GALNTL6: variants seen among roughly 807,000 people sequenced by gnomAD.
GALNTL6 encodes polypeptide N-acetylgalactosaminyltransferase-like 6.
GALNTL6 carries 46 observed loss-of-function variants against 73.7 expected under a neutral mutation model. The ratio of observed to expected loss-of-function variants is 0.62; its 90% CI spans 0.49 to 0.80. GALNTL6 has a LOEUF of 0.80. Ranked by LOEUF, GALNTL6 falls within the 30% of genes least tolerant of loss-of-function variation. The probability of loss-of-function intolerance (pLI) is 0.00; values close to 1 mark genes in which losing one functional copy is unlikely to be tolerated. For synonymous variants in GALNTL6, 259 were observed against 263.7 expected (o/e 0.98, Z 0.17); for missense variants, 604 against 755.0 (o/e 0.80, Z 2.34).
chr4:172,641,092 C>A (rs1414598449), intron 5 of GALNTL6, among the ~76,000 whole-genome samples: 1 of 152,030 alleles, frequency 6.6e-6, no homozygotes, highest in East Asian at 1.9e-4. Flanking sequence ...TGTCACTCTA[C>A]CTGCAAAATA....
intron 2 of GALNTL6, among the ~76,000 whole-genome samples, chr4:171,864,871 G>A (rs1735930395): frequency 6.6e-6 from 1 of 152,056 alleles, no homozygotes; most frequent in Non-Finnish European, 1.5e-5. Flanking sequence ...GGAGAAAATG[G>A]GAGCCAGTGA....
At chr4:172,602,272 G>A (rs72986685) in intron 5 of GALNTL6, among the ~76,000 whole-genome samples, 5,386 of 152,154 alleles carry the variant, frequency 0.035, 259 homozygotes, top group African/African-American at 0.1. Flanking sequence ...AGAAAGAAGT[G>A]AAGAAGATAG....
At chr4:172,229,620 C>A in intron 2 of GALNTL6, 36 bp from the exon 3 acceptor site, 1 of 1,342,710 alleles carries the variant, frequency 7.4e-7, no homozygotes, top group Non-Finnish European at 1.1e-6. Flanking sequence ...AAGGAAATAC[C>A]TCCTTTTTAT....
intron 2 of GALNTL6, among the ~76,000 whole-genome samples, chr4:171,845,538 C>G (rs1450269538): frequency 6.6e-6 from 1 of 152,088 alleles, no homozygotes; most frequent in Admixed American, 6.6e-5. Context: ...GGTCCTAAGT[C>G]TTGTTCTTAC....
chr4:172,717,385 A>G (rs1431873595), intron 5 of GALNTL6, among the ~76,000 whole-genome samples: 4 of 152,196 alleles, frequency 2.6e-5, no homozygotes, highest in Admixed American at 6.5e-5. Context: ...ACCAAAAGCT[A>G]TTTCCCAGAG....
chr4:172,944,837 C>T (rs1455395792), intron 9 of GALNTL6, among the ~76,000 whole-genome samples: 2 of 152,050 alleles, frequency 1.3e-5, no homozygotes, highest in African/African-American at 4.8e-5. Flanking sequence ...AGGAGGATCA[C>T]CTGAGGTCAG....
chr4:172,062,539 A>C (rs1423884385), intron 2 of GALNTL6, among the ~76,000 whole-genome samples: 1 of 152,356 alleles, frequency 6.6e-6, no homozygotes, highest in East Asian at 1.9e-4. Context: ...CTTAAAAGTA[A>C]GGAAATATAA....
chr4:172,641,081 A>G (rs1446961401), intron 5 of GALNTL6, among the ~76,000 whole-genome samples: 1 of 152,016 alleles, frequency 6.6e-6, no homozygotes, highest in Admixed American at 6.6e-5. Flanking sequence ...CTAGAAAGTC[A>G]TGTCACTCTA....
At chr4:172,959,861 G>A (rs1241854478) in intron 10 of GALNTL6, among the ~76,000 whole-genome samples, 2 of 152,336 alleles carry the variant, frequency 1.3e-5, no homozygotes, top group Non-Finnish European at 1.5e-5. Context: ...TGGGCCTGGA[G>A]GAATGCCTGC....
chr4:172,177,818 T>TATATATATACACACACA, intron 2 of GALNTL6, among the ~76,000 whole-genome samples: 1 of 138,064 alleles, frequency 7.2e-6, no homozygotes. Context: ...TATATGTGTG[T>TATATATATACACACACA]GTATATATAC....
intron 12 of GALNTL6, among the ~76,000 whole-genome samples, chr4:173,027,090 C>T (rs753648230): frequency 3.9e-5 from 6 of 152,102 alleles, no homozygotes; most frequent in East Asian, 3.9e-4. Flanking sequence ...CGGGTTCAAG[C>T]GAGACTCCTT....
chr4:172,512,640 G>C (rs948690583), intron 5 of GALNTL6, among the ~76,000 whole-genome samples: 6 of 152,110 alleles, frequency 3.9e-5, no homozygotes, highest in African/African-American at 7.2e-5. Flanking sequence ...TGGCTTGGTA[G>C]TGGCAAGTTC....
At position 172,680,074 on chromosome 4, in the gene GALNTL6, T is replaced by G. The variant is rs926303738; in HGVS notation, c.554-129287T>G. 2.6e-5 allele frequency among the ~76,000 whole-genome samples: 4 copies of G among 152,278 alleles called. No individual in the cohort carries two copies. In the East Asian group the frequency reaches 7.7e-4, roughly 29 times the overall value. On this transcript the variant is annotated intron_variant, in intron 5 of 12. Transcript: ENST00000506823. The stretch of plus-strand genomic sequence containing the variant: ...GATGAAAGAATTAAGCACTTTAAAT[T>G]TATTAATTTAAATCTTAAAATGGAC...
intron 5 of GALNTL6, among the ~76,000 whole-genome samples, chr4:172,611,293 A>G (rs1738517408): frequency 6.6e-6 from 1 of 152,000 alleles, no homozygotes; most frequent in Non-Finnish European, 1.5e-5. Context: ...TATGTACTTA[A>G]GTGTGTTTTG....
At chr4:172,591,464 A>G (rs1737633759) in intron 5 of GALNTL6, among the ~76,000 whole-genome samples, 1 of 152,222 alleles carries the variant, frequency 6.6e-6, no homozygotes, top group Non-Finnish European at 1.5e-5. Flanking sequence ...TACCTATTTA[A>G]TAGAGCAAGA....
intron 2 of GALNTL6, among the ~76,000 whole-genome samples, chr4:172,096,674 C>T (rs1732367871): frequency 6.6e-6 from 1 of 151,720 alleles, no homozygotes. Context: ...TCTGTTTATT[C>T]ATGTTAGACC....
chr4:172,284,861 C>G (rs1287121629), intron 3 of GALNTL6, among the ~76,000 whole-genome samples: 1 of 152,072 alleles, frequency 6.6e-6, no homozygotes, highest in Non-Finnish European at 1.5e-5. Context: ...TGTTTTTATG[C>G]CAGTACCACA....
chr4:172,776,467 C>G (rs1343403747), intron 5 of GALNTL6, among the ~76,000 whole-genome samples: 1 of 152,144 alleles, frequency 6.6e-6, no homozygotes, highest in Admixed American at 6.6e-5. Flanking sequence ...GAGGGTGAAA[C>G]AGAACTTGCT....
At chr4:172,890,878 T>G (rs1745993445) in intron 8 of GALNTL6, among the ~76,000 whole-genome samples, 1 of 152,226 alleles carries the variant, frequency 6.6e-6, no homozygotes, top group Admixed American at 6.5e-5. Context: ...GCTTCAATGT[T>G]TGGTGCATAT....
Sources: gnomAD v4.1 joint callset for allele counts (sites outside exome capture counted in the v4.1 genomes callset) on GRCh38, gnomAD v4.1.1 for gene constraint, MANE v1.5 for transcripts, NCBI Gene and HGNC (gene_info 2026-07-23, HGNC 2026-07-21) for gene names.